SMIM21: variants seen among roughly 807,000 people sequenced by gnomAD.
SMIM21 encodes chromosome 18 open reading frame 62.
A neutral mutation model predicts 8.6 loss-of-function variants in SMIM21; 8 were observed. That is an observed-to-expected ratio of 0.93 (90% CI 0.55 to 1.68). The LOEUF is 1.68. Among genes scored for constraint, SMIM21 ranks in the 40% most tolerant of loss-of-function variants. The pLI is 0.00. For synonymous variants in SMIM21, 43 were observed against 41.7 expected (o/e 1.03, Z -0.12); for missense variants, 132 against 123.0 (o/e 1.07, Z -0.35).
At chr18:75,413,624 T>G (rs527297537) in intron 2 of SMIM21, among the ~76,000 whole-genome samples, 1 of 152,256 alleles carries the variant, frequency 6.6e-6, no homozygotes, top group African/African-American at 2.4e-5. Context: ...CCAAATCAAT[T>G]TCTCAGCATC....
intron 2 of SMIM21, among the ~76,000 whole-genome samples, chr18:75,412,779 C>T (rs974217327): frequency 1.3e-5 from 2 of 152,160 alleles, no homozygotes; most frequent in Admixed American, 1.3e-4. Flanking sequence ...TATAGGTTTA[C>T]AGAACCCCCA....
At chr18:75,414,088 C>T (rs2024613630) in intron 2 of SMIM21, among the ~76,000 whole-genome samples, 1 of 144,506 alleles carries the variant, frequency 6.9e-6, no homozygotes, top group Non-Finnish European at 1.5e-5. Flanking sequence ...CACACACACA[C>T]ACACACACAT....
At chr18:75,413,157 C>T (rs571262258) in intron 2 of SMIM21, among the ~76,000 whole-genome samples, 3 of 152,224 alleles carry the variant, frequency 2.0e-5, no homozygotes, top group East Asian at 3.9e-4. Context: ...CCTAAGGATG[C>T]TTCCTGAAGA....
chr18:75,418,498 T>C (rs1041816206), intron 2 of SMIM21, among the ~76,000 whole-genome samples: 6 of 152,194 alleles, frequency 3.9e-5, no homozygotes, highest in African/African-American at 1.4e-4. Flanking sequence ...GCTCATCCTG[T>C]CTCAAGGAGC....
chr18:75,419,113 G>A, intron 1 of SMIM21, 197 bp from the exon 2 acceptor site: 1 of 421,346 alleles, frequency 2.4e-6, no homozygotes, highest in Non-Finnish European at 4.2e-6. Context: ...AAAAGATAAT[G>A]CATGTAAAAC....
chr18:75,426,630 GTAAAAAAAAAAAAAAAAAAAAA>G (rs2024765671), intron 1 of SMIM21, among the ~76,000 whole-genome samples: 1 of 30,574 alleles, frequency 3.3e-5, no homozygotes, highest in Non-Finnish European at 6.0e-5. Flanking sequence ...CTTTTAAAAT[GTAAAAAAAAAAAAAAAAAAAAA>G]AAAAAAAAAA....
Position 75,410,859 on chromosome 18 carries a change from G to A in SMIM21, c.*5C>T, listed in dbSNP as rs1268422700. On this transcript the variant is annotated 3_prime_UTR_variant, in exon 3 of 3. Transcript: ENST00000579022. ...GAAGGCCATGAGAGAGAAACGTAGT[G>A]TCATTTATTCTGCTTCTGCTGTGTT... 3.7e-6 allele frequency: 6 copies of A among 1,613,964 alleles called. No homozygotes were observed. The highest frequency in any genetic ancestry group is 1.3e-5 in the African/African-American group (1 of 74,908).
chr18:75,426,302 TG>T (rs1568156129), intron 1 of SMIM21, among the ~76,000 whole-genome samples: 1 of 84,064 alleles, frequency 1.2e-5, no homozygotes, highest in Non-Finnish European at 3.6e-5. Context: ...TTTGTTTGTT[TG>T]TTTGTTTGTT....
chr18:75,413,869 T>C (rs2024609503), intron 2 of SMIM21, among the ~76,000 whole-genome samples: 1 of 152,168 alleles, frequency 6.6e-6, no homozygotes, highest in Admixed American at 6.5e-5. Context: ...GAATAAATTG[T>C]AGACACCTCA....
chr18:75,426,631 T>TAAAAAAAAAAAAAA (rs777676195), intron 1 of SMIM21, among the ~76,000 whole-genome samples: 4 of 89,252 alleles, frequency 4.5e-5, no homozygotes, highest in Non-Finnish European at 6.2e-5. Context: ...TTTTAAAATG[T>TAAAAAAAAAAAAAA]AAAAAAAAAA....
chr18:75,427,577 C>G lies in SMIM21; in HGVS notation c.-14G>C. On this transcript the variant is annotated 5_prime_UTR_variant, in exon 1 of 3. Transcript: ENST00000579022. Reference sequence around the variant, plus strand: ...ATACTGGTCCATGTGGGGGCTGCGGCGGTGACCAGTGAGAGGTCTCCTTGA... The same window carrying G: ...ATACTGGTCCATGTGGGGGCTGCGGGGGTGACCAGTGAGAGGTCTCCTTGA... 1.9e-6 allele frequency: 3 copies of G among 1,582,340 alleles called. No individual in the cohort carries two copies. The highest frequency in any genetic ancestry group is 2.6e-6 in the Non-Finnish European group (3 of 1,162,892).
chr18:75,419,891 T>C (rs940323864), intron 1 of SMIM21, among the ~76,000 whole-genome samples: 1 of 152,188 alleles, frequency 6.6e-6, no homozygotes, highest in African/African-American at 2.4e-5. Context: ...AATGCCTCTT[T>C]CGTGTTATGA....
chr18:75,411,215 C>G (rs770012152), intron 2 of SMIM21, among the ~76,000 whole-genome samples: 1 of 152,194 alleles, frequency 6.6e-6, no homozygotes, highest in Non-Finnish European at 1.5e-5. Context: ...CCTTACTAGC[C>G]TTGTATAAAG....
At chr18:75,426,631 T>TAAAAAAAAAAAA (rs777676195) in intron 1 of SMIM21, among the ~76,000 whole-genome samples, 16 of 89,242 alleles carry the variant, frequency 1.8e-4, no homozygotes, top group Non-Finnish European at 2.7e-4. Flanking sequence ...TTTTAAAATG[T>TAAAAAAAAAAAA]AAAAAAAAAA....
chr18:75,427,229 A>G (rs1403197386), intron 1 of SMIM21, among the ~76,000 whole-genome samples: 2 of 152,126 alleles, frequency 1.3e-5, no homozygotes, highest in Non-Finnish European at 2.9e-5. Flanking sequence ...TCTTCCTCAG[A>G]TTGGGAATTG....
rs200015411 is a variant in SMIM21 at position 75,427,578 on chromosome 18, G to T, written c.-15C>A. The T allele has an allele frequency of 2.5e-6, 4 of 1,585,104 alleles. No homozygotes were observed. The African/African-American group carries it at 4.0e-5, about 16-fold the overall frequency. ...TACTGGTCCATGTGGGGGCTGCGGC[G>T]GTGACCAGTGAGAGGTCTCCTTGAT... On this transcript the variant is annotated 5_prime_UTR_variant, in exon 1 of 3. Transcript: ENST00000579022.
At chr18:75,415,607 C>T (rs919846484) in intron 2 of SMIM21, among the ~76,000 whole-genome samples, 1 of 152,232 alleles carries the variant, frequency 6.6e-6, no homozygotes, top group Non-Finnish European at 1.5e-5. Context: ...ACTCAGAGAT[C>T]ACCACCACTA....
intron 2 of SMIM21, among the ~76,000 whole-genome samples, chr18:75,414,376 T>C (rs924140339): frequency 3.3e-5 from 5 of 152,128 alleles, no homozygotes; most frequent in Non-Finnish European, 5.9e-5. Flanking sequence ...GGAATTGCAC[T>C]AAAGAATAAA....
intron 2 of SMIM21, chr18:75,416,736 T>C (rs186160878): frequency 6.6e-6 from 1 of 152,372 alleles, no homozygotes; most frequent in East Asian, 1.9e-4. Flanking sequence ...CCATACTTTT[T>C]GCTAATTTTA....
Sources: gnomAD v4.1 joint callset for allele counts (sites outside exome capture counted in the v4.1 genomes callset) on GRCh38, gnomAD v4.1.1 for gene constraint, MANE v1.5 for transcripts, NCBI Gene and HGNC (gene_info 2026-07-23, HGNC 2026-07-21) for gene names.